NOVA1: variants seen among roughly 807,000 people sequenced by gnomAD.
NOVA1 encodes RNA-binding protein Nova-1.
Under a neutral mutation model 38.0 loss-of-function variants are expected in NOVA1, and 7 were observed. That is an observed-to-expected ratio of 0.18 (90% CI 0.10 to 0.35). The LOEUF is 0.35. NOVA1 is among the 10% of genes least tolerant of loss of function. NOVA1 has a pLI of 1.00. For synonymous variants in NOVA1, 270 were observed against 232.5 expected (o/e 1.16, Z -1.47); for missense variants, 460 against 616.0 (o/e 0.75, Z 2.68).
chr14:26,551,620 A>T (rs979348189), intron 2 of NOVA1, among the ~76,000 whole-genome samples: 13 of 152,054 alleles, frequency 8.5e-5, no homozygotes, highest in Non-Finnish European at 1.8e-4. Flanking sequence ...TACTTGGAAT[A>T]GAGTCAGATA....
intron 2 of NOVA1, among the ~76,000 whole-genome samples, chr14:26,531,175 G>C (rs1889682881): frequency 6.6e-6 from 1 of 152,036 alleles, no homozygotes; most frequent in Admixed American, 6.6e-5. Flanking sequence ...TCTTTATTTA[G>C]AGTCTGTCAA....
rs1467190019 is a variant in NOVA1 at position 26,522,242 on chromosome 14, G to T, written c.281-42099C>A. Among the ~76,000 whole-genome samples, 19 of 152,194 alleles carry T rather than the reference G, an allele frequency of 1.2e-4. No homozygotes were observed. The Middle Eastern group carries it at 0.01, about 82-fold the overall frequency. On this transcript the variant is annotated intron_variant, in intron 2 of 4. Coordinates refer to ENST00000539517, the MANE Select transcript of NOVA1 (RefSeq NM_002515.3). Reference sequence around the variant, plus strand: ...ACTGTCAATTGAAGATTAGGCAGAAGCTCAACTGCACAGATAAATGGATTT... The same window carrying T: ...ACTGTCAATTGAAGATTAGGCAGAATCTCAACTGCACAGATAAATGGATTT...
intron 1 of NOVA1, 161 bp downstream of exon 1, chr14:26,597,140 G>T: frequency 1.7e-6 from 2 of 1,206,050 alleles, no homozygotes; most frequent in African/African-American, 1.6e-5. Flanking sequence ...AGGTGCAGGG[G>T]AGGGGGCGCG....
At chr14:26,518,939 T>G in intron 2 of NOVA1, among the ~76,000 whole-genome samples, 1 of 152,174 alleles carries the variant, frequency 6.6e-6, no homozygotes, top group Non-Finnish European at 1.5e-5. Context: ...ACTTTTTCAT[T>G]TTTGTTCCAA....
chr14:26,581,223 G>A (rs532011184), intron 2 of NOVA1, among the ~76,000 whole-genome samples: 1 of 152,072 alleles, frequency 6.6e-6, no homozygotes, highest in Admixed American at 6.6e-5. Context: ...GAGGCGTTAA[G>A]AAGTACTGAA....
At chr14:26,472,428 T>C (rs1024584534) in intron 3 of NOVA1, 37 bp from the exon 4 acceptor site, 4 of 1,040,618 alleles carry the variant, frequency 3.8e-6, no homozygotes, top group Non-Finnish European at 5.5e-6. Context: ...AATCAACCTT[T>C]ATAAGCCTTA....
chr14:26,483,546 T>C (rs1885631675), intron 2 of NOVA1, among the ~76,000 whole-genome samples: 1 of 152,184 alleles, frequency 6.6e-6, no homozygotes, highest in African/African-American at 2.4e-5. Flanking sequence ...ACATCAGGTA[T>C]TACCAACTGA....
At chr14:26,484,532 C>G (rs1013787664) in intron 2 of NOVA1, among the ~76,000 whole-genome samples, 1 of 150,702 alleles carries the variant, frequency 6.6e-6, no homozygotes, top group East Asian at 2.0e-4. Flanking sequence ...TCTCATTGAC[C>G]TCATACCCCT....
At chr14:26,473,810 C>A (rs943170243) in intron 3 of NOVA1, among the ~76,000 whole-genome samples, 2 of 151,862 alleles carry the variant, frequency 1.3e-5, no homozygotes, top group Admixed American at 6.6e-5. Flanking sequence ...AAGATTTTTA[C>A]CAAATCATAC....
At chr14:26,504,298 C>T (rs1243420388) in intron 2 of NOVA1, among the ~76,000 whole-genome samples, 2 of 152,084 alleles carry the variant, frequency 1.3e-5, no homozygotes, top group African/African-American at 2.4e-5. Context: ...GTATACTTAA[C>T]GTGTCTATTT....
chr14:26,528,504 C>T (rs1377164408), intron 2 of NOVA1, among the ~76,000 whole-genome samples: 6 of 152,094 alleles, frequency 3.9e-5, no homozygotes, highest in African/African-American at 1.4e-4. Flanking sequence ...AGGGACTGAT[C>T]ATGCTGCAGG....
intron 2 of NOVA1, among the ~76,000 whole-genome samples, chr14:26,582,594 A>C (rs1893288504): frequency 1.3e-5 from 2 of 151,784 alleles, no homozygotes; most frequent in South Asian, 4.1e-4. Flanking sequence ...GCAATACTAA[A>C]TATGTTAGCA....
chr14:26,538,609 A>G lies in NOVA1; in HGVS notation c.280+56801T>C, dbSNP rs150426028. Among the ~76,000 whole-genome samples the G allele has an allele frequency of 6.4e-3, 972 of 152,174 alleles. 5 individuals carry two copies. The highest frequency in any genetic ancestry group is 9.3e-3 in the South Asian group (45 of 4,816). On this transcript the variant is annotated intron_variant, in intron 2 of 4. Coordinates refer to ENST00000539517, the MANE Select transcript of NOVA1 (RefSeq NM_002515.3). ...CTTTCCTCTCACCATTTCTACTACT[A>G]CAAGACTTACACCAAGACACCATAA... is the stretch of plus-strand genomic sequence containing the variant.
chr14:26,479,058 T>C (rs368167712), intron 3 of NOVA1: 2 of 152,044 alleles, frequency 1.3e-5, no homozygotes, highest in South Asian at 2.1e-4. Context: ...AATAAGACTT[T>C]GAGCTACATT....
intron 2 of NOVA1, among the ~76,000 whole-genome samples, chr14:26,558,709 A>C (rs1241988778): frequency 6.6e-6 from 1 of 152,180 alleles, no homozygotes; most frequent in East Asian, 1.9e-4. Flanking sequence ...GTTATTTTTA[A>C]AAATGGTTTA....
intron 2 of NOVA1, chr14:26,592,910 T>C (rs560169840): frequency 2.0e-5 from 3 of 151,676 alleles, no homozygotes; most frequent in Non-Finnish European, 4.4e-5. Flanking sequence ...ACAAACACAA[T>C]TACATTCTGC....
chr14:26,587,545 T>G (rs986094688), intron 2 of NOVA1, among the ~76,000 whole-genome samples: 1 of 150,874 alleles, frequency 6.6e-6, no homozygotes, highest in African/African-American at 2.4e-5. Flanking sequence ...AAACCAAGTT[T>G]CAAAAAAAAT....
chr14:26,470,768 G>A (rs568697334), intron 4 of NOVA1, among the ~76,000 whole-genome samples: 2 of 152,088 alleles, frequency 1.3e-5, no homozygotes, highest in Admixed American at 6.5e-5. Flanking sequence ...AAATTATTAA[G>A]GAGGTTTTCT....
intron 2 of NOVA1, among the ~76,000 whole-genome samples, chr14:26,572,142 T>G (rs1382199523): frequency 1.3e-5 from 2 of 152,200 alleles, no homozygotes; most frequent in African/African-American, 4.8e-5. Flanking sequence ...TCTCTGCTAC[T>G]CTGGTAGAGT....
Sources: gnomAD v4.1 joint callset for allele counts (sites outside exome capture counted in the v4.1 genomes callset) on GRCh38, gnomAD v4.1.1 for gene constraint, MANE v1.5 for transcripts, NCBI Gene and HGNC (gene_info 2026-07-23, HGNC 2026-07-21) for gene names.